The following PACRG variants were observed in gnomAD, a reference collection of about 807,000 sequenced individuals.
PACRG encodes parkin coregulated.
A neutral mutation model predicts 29.7 loss-of-function variants in PACRG; 29 were observed. The observed-to-expected ratio is 0.98, with a 90% CI of 0.73 to 1.33. The LOEUF is 1.33. PACRG is among the 40% of genes most tolerant of loss of function. The pLI is 0.00. For missense variants in PACRG, 279 were observed against 316.2 expected (o/e 0.88, Z 0.89); for synonymous variants, 116 against 118.7 (o/e 0.98, Z 0.15).
chr6:163,162,853 A>T (rs1182124388), intron 4 of PACRG, among the ~76,000 whole-genome samples: 6 of 152,118 alleles, frequency 3.9e-5, no homozygotes, highest in African/African-American at 1.4e-4. Context: ...TGACTATGAA[A>T]CTGGTGATGA....
At chr6:163,070,833 T>C (rs564287953) in intron 3 of PACRG, among the ~76,000 whole-genome samples, 3 of 149,660 alleles carry the variant, frequency 2.0e-5, no homozygotes, top group Admixed American at 6.7e-5. Flanking sequence ...AAGACACACG[T>C]AGACTGAAAA....
intron 1 of PACRG, among the ~76,000 whole-genome samples, chr6:162,756,525 A>G (rs1250891304): frequency 8.5e-5 from 13 of 152,052 alleles, no homozygotes; most frequent in Admixed American, 8.5e-4. Flanking sequence ...TTTTCAGTCT[A>G]TGTGTGTCAT....
intron 4 of PACRG, among the ~76,000 whole-genome samples, chr6:163,270,640 C>G (rs1032815278): frequency 6.6e-6 from 1 of 151,998 alleles, no homozygotes; most frequent in African/African-American, 2.4e-5. Flanking sequence ...CCCAAAGTGC[C>G]GGGATTACAG....
chr6:163,281,861 T>A (rs1784236386), intron 4 of PACRG, among the ~76,000 whole-genome samples: 1 of 152,186 alleles, frequency 6.6e-6, no homozygotes, highest in South Asian at 2.1e-4. Context: ...CAATTAACTT[T>A]AACCGATATC....
intron 4 of PACRG, among the ~76,000 whole-genome samples, chr6:163,233,365 G>C (rs1389189570): frequency 6.6e-6 from 1 of 152,228 alleles, no homozygotes; most frequent in Non-Finnish European, 1.5e-5. Flanking sequence ...GGAGGCCGGA[G>C]GCTGCAGGGG....
chr6:163,202,600 A>C (rs1780749856), intron 4 of PACRG, among the ~76,000 whole-genome samples: 1 of 152,218 alleles, frequency 6.6e-6, no homozygotes, highest in Admixed American at 6.5e-5. Context: ...CTCAGAGTTC[A>C]AAGAGAAGTA....
chr6:162,940,478 GTGA>G (rs1372064973), intron 2 of PACRG, among the ~76,000 whole-genome samples: 1 of 151,960 alleles, frequency 6.6e-6, no homozygotes, highest in Non-Finnish European at 1.5e-5. Context: ...CTTTCTGTGT[GTGA>G]TGTTTTATCT....
intron 2 of PACRG, among the ~76,000 whole-genome samples, chr6:162,985,345 A>G (rs1221783043): frequency 1.3e-5 from 2 of 152,134 alleles, no homozygotes; most frequent in Non-Finnish European, 2.9e-5. Flanking sequence ...CATATGAAAA[A>G]GATAATCCAC....
chr6:162,976,446 G>C (rs1037302792), intron 2 of PACRG, among the ~76,000 whole-genome samples: 1 of 152,154 alleles, frequency 6.6e-6, no homozygotes, highest in Admixed American at 6.5e-5. Flanking sequence ...CTGGAGTTGA[G>C]GGGGGAAGAA....
intron 2 of PACRG, among the ~76,000 whole-genome samples, chr6:162,844,365 G>A (rs942919525): frequency 2.6e-5 from 4 of 152,196 alleles, no homozygotes; most frequent in African/African-American, 4.8e-5. Flanking sequence ...CATTTTCCAG[G>A]TGAGTCCGTC....
intron 4 of PACRG, among the ~76,000 whole-genome samples, chr6:163,209,734 G>T (rs542784559): frequency 2.0e-5 from 3 of 152,284 alleles, no homozygotes; most frequent in East Asian, 3.9e-4. Flanking sequence ...TTGATGTAAA[G>T]CATGTGACAC....
intron 2 of PACRG, among the ~76,000 whole-genome samples, chr6:163,014,134 G>A (rs931444327): frequency 2.0e-5 from 3 of 152,078 alleles, no homozygotes; most frequent in African/African-American, 4.8e-5. Flanking sequence ...GCGTGAATTC[G>A]CTTAAGATAG....
chr6:163,314,736 T>G, intron 4 of PACRG, 91 bp from the exon 5 acceptor site: 1 of 1,393,710 alleles, frequency 7.2e-7, no homozygotes, highest in Non-Finnish European at 9.6e-7. Flanking sequence ...TGTCTCCTAA[T>G]AAGCATTCAG....
At chr6:163,235,545 G>C (rs72569723) in intron 4 of PACRG, among the ~76,000 whole-genome samples, 4,835 of 152,174 alleles carry the variant, frequency 0.032, 174 homozygotes, top group East Asian at 0.13. Flanking sequence ...TGGAGAAGGG[G>C]TTTTCCTCTT....
intron 4 of PACRG, among the ~76,000 whole-genome samples, chr6:163,273,552 G>C (rs1783917285): frequency 6.6e-6 from 1 of 151,954 alleles, no homozygotes; most frequent in Non-Finnish European, 1.5e-5. Context: ...GGTCAGTTTT[G>C]ACTAATTATA....
chr6:162,808,231 G>C (rs554535938), intron 1 of PACRG, among the ~76,000 whole-genome samples: 1 of 152,312 alleles, frequency 6.6e-6, no homozygotes, highest in Non-Finnish European at 1.5e-5. Flanking sequence ...TAACAGTCCA[G>C]TCCTGACAGA....
At chr6:163,289,223 G>T (rs558244556) in intron 4 of PACRG, among the ~76,000 whole-genome samples, 1 of 152,334 alleles carries the variant, frequency 6.6e-6, no homozygotes, top group African/African-American at 2.4e-5. Context: ...ACTCGCTGGT[G>T]TGCAGAGTAT....
chr6:163,137,867 G>C (rs953735736), intron 4 of PACRG, among the ~76,000 whole-genome samples: 11 of 152,266 alleles, frequency 7.2e-5, no homozygotes, highest in Admixed American at 7.2e-4. Flanking sequence ...GCTTGGAGCA[G>C]GCCCTGAGTG....
chr6:162,741,776 A>C (rs1166682892), intron 1 of PACRG, among the ~76,000 whole-genome samples: 2 of 152,218 alleles, frequency 1.3e-5, no homozygotes, highest in African/African-American at 4.8e-5. Context: ...GAATGAAACA[A>C]TATTTCTATA....
Sources: gnomAD v4.1 joint callset for allele counts (sites outside exome capture counted in the v4.1 genomes callset) on GRCh38, gnomAD v4.1.1 for gene constraint, MANE v1.5 for transcripts, NCBI Gene and HGNC (gene_info 2026-07-23, HGNC 2026-07-21) for gene names.